TCP1: variants seen among roughly 807,000 people sequenced by gnomAD.
TCP1 encodes T-complex protein 1 subunit alpha.
Under a neutral mutation model 54.7 loss-of-function variants are expected in TCP1, and 6 were observed. The observed-to-expected ratio is 0.11, with a 90% CI of 0.06 to 0.22. The LOEUF (loss-of-function observed/expected upper bound fraction) is 0.22, where lower values mean the gene tolerates loss of function less well. Among genes scored for constraint, TCP1 ranks in the 10% least tolerant of loss-of-function variants. The probability of loss-of-function intolerance (pLI) is 1.00; values close to 1 mark genes in which losing one functional copy is unlikely to be tolerated. For synonymous variants in TCP1, 225 were observed against 229.7 expected, an observed-to-expected ratio of 0.98 and a Z score of 0.19; for missense variants, 511 against 678.2, an observed-to-expected ratio of 0.75 and a Z score of 2.74.
At position 159,787,283 on chromosome 6, in the gene TCP1, G is replaced by A. The variant is rs563784881; in HGVS notation, c.279+460C>T. ...ATATAAAAACATTGTTTCTCCCCCA[G>A]ATTGGTAACATTTTATCCTCCAAAT... On this transcript the variant is annotated intron_variant, in intron 3 of 11. Transcript: ENST00000321394. Among the ~76,000 whole-genome samples, 9 of 152,168 alleles carry A rather than the reference G, an allele frequency of 5.9e-5. No individual in the cohort carries two copies. In the East Asian group the frequency reaches 9.7e-4, roughly 16 times the overall value.
Position 159,785,965 on chromosome 6 carries a change from T to A in TCP1, c.312A>T (p.Ala104=). The change falls in exon 4 of 12, where the codon GCA becomes GCT. Residue 104 remains alanine (A), a synonymous_variant. Transcript: ENST00000321394. The part of the protein sequence containing the change: ...VIIAAELLKN[A]DELVKQKIHP... ...GAATTTTCTGTTTGACTAATTCATC[T>A]GCATTTTTTAGGAGTTCTGCTGCAA... The A allele has an allele frequency of 6.2e-7, 1 of 1,614,012 alleles. No individual in the cohort carries two copies.
In TCP1 at chr6:159,780,941, A is replaced by T; in HGVS notation, c.967T>A (p.Ser323Thr). The T allele has an allele frequency of 6.2e-7, 1 of 1,602,134 alleles. No individual in the cohort carries two copies. The highest frequency in any genetic ancestry group is 8.5e-7 in the Non-Finnish European group (1 of 1,176,848). The stretch of plus-strand genomic sequence containing the variant: ...CAGCCAGCACAAGACATACCTCCAG[A>T]AGCTTTGGCAATGCGTTTAAGGTCC... ...KRDLKRIAKA[S>T]GATILSTLAN... Residue 323 changes from serine to threonine, a missense_variant, in exon 8 of 12, where the codon TCT becomes ACT. Transcript: ENST00000321394.
In TCP1 at chr6:159,780,950, C is replaced by T. The variant is rs1272561288; in HGVS notation, c.958G>A (p.Ala320Thr). The T allele has an allele frequency of 6.2e-7, 1 of 1,604,756 alleles. No individual in the cohort carries two copies. The highest frequency in any genetic ancestry group is 8.5e-7 in the Non-Finnish European group (1 of 1,177,482). ...RVLKRDLKRI[A>T]KASGATILST... is the part of the protein sequence containing the mutation. Reference sequence around the variant, plus strand: ...CAAGACATACCTCCAGAAGCTTTGGCAATGCGTTTAAGGTCCCTTTTTAAA... The same window carrying T: ...CAAGACATACCTCCAGAAGCTTTGGTAATGCGTTTAAGGTCCCTTTTTAAA... The change falls in exon 8 of 12, where the codon GCC becomes ACC. Residue 320 changes from alanine to threonine, a missense_variant. This residue lies in a region of TCP1 where 305 missense variants were observed against 352.8 expected (regional missense o/e 0.86). Transcript: ENST00000321394.
Position 159,789,400 on chromosome 6 carries a change from C to A in TCP1, c.64+5G>T, listed in dbSNP as rs915847807. The stretch of plus-strand genomic sequence containing the variant: ...AAACCCGACCCAGGCCCGGCCCGCC[C>A]TTACCGTTTTGGGAGCGGATCGTTT... On this transcript the variant is annotated splice_donor_5th_base_variant and intron_variant, in intron 1 of 11. Transcript: ENST00000321394. 6.2e-7 allele frequency: 1 copy of A among 1,613,764 alleles called. No homozygotes were observed. The highest frequency in any genetic ancestry group is 8.5e-7 in the Non-Finnish European group (1 of 1,179,812).
intron 1 of TCP1, chr6:159,788,554 G>C (rs927248416): frequency 5.1e-5 from 8 of 157,684 alleles, no homozygotes; most frequent in African/African-American, 1.9e-4. Flanking sequence ...ATTTGGCACA[G>C]CTTTGATGCG....
At chr6:159,784,940 GTAATC>G in intron 5 of TCP1, 93 bp from the exon 6 acceptor site, 7 of 1,248,462 alleles carry the variant, frequency 5.6e-6, no homozygotes, top group South Asian at 2.5e-5. Flanking sequence ...CTTCCTTTTA[GTAATC>G]TAATCTATTA....
intron 11 of TCP1, 116 bp from the exon 12 acceptor site, chr6:159,779,377 T>C: frequency 9.4e-7 from 1 of 1,059,318 alleles, no homozygotes; most frequent in Admixed American, 2.4e-5. Flanking sequence ...AGAGATCTTG[T>C]AGGTAGTCTT....
chr6:159,787,853 C>T lies in TCP1; in HGVS notation c.169G>A (p.Asp57Asn). The change falls in exon 3 of 12, where the codon GAT becomes AAT. Residue 57 changes from aspartate (D) to asparagine (N), a missense_variant. Asp to Asn is a conservative substitution (Grantham distance 23, BLOSUM62 1). This residue lies in a region of TCP1 where 54 missense variants were observed against 111.8 expected (regional missense o/e 0.48). Transcript: ENST00000321394. The stretch of plus-strand genomic sequence containing the variant: ...AGTAACTTCAGGATGGTTGCACCAT[C>T]GTTAGTAATGGTTACATCCTAAGAA... ...DDIGDVTITN[D>N]GATILKLLEV... 5 of 1,614,144 alleles carry T rather than the reference C, an allele frequency of 3.1e-6. No individual in the cohort carries two copies. Among genetic ancestry groups the T allele is most frequent in the Non-Finnish European group, 4.2e-6 (5 of 1,180,016 alleles).
Position 159,784,927 on chromosome 6 carries a change from G to T in TCP1, c.489-80C>A. On this transcript the variant is annotated intron_variant, in intron 5 of 11. Coordinates refer to ENST00000321394, the MANE Select transcript of TCP1 (RefSeq NM_030752.3). ...GTGAAAAATCAAGGGTAATTTCAAG[G>T]GACTTCCTTTTAGTAATCTAATCTA... 2.1e-6 allele frequency: 3 copies of T among 1,401,694 alleles called. No individual in the cohort carries two copies. The East Asian group carries it at 6.8e-5, about 32-fold the overall frequency. The allele number at this position is 1,401,694 out of a possible 1,614,324, so 86.8% of individuals were successfully genotyped here.
At position 159,778,596 on chromosome 6, in the gene TCP1, G is replaced by GT; in HGVS notation, c.*448dup. The stretch of plus-strand genomic sequence containing the variant: ...TGATACATTAAGAGGAAAAAGACAA[G>GT]TTTAAGATTTTAAACTGTGTCCACA... On this transcript the variant is annotated 3_prime_UTR_variant, in exon 12 of 12. Coordinates refer to ENST00000321394, the MANE Select transcript of TCP1 (RefSeq NM_030752.3). 1 of 1,560,560 alleles carries GT rather than the reference G, an allele frequency of 6.4e-7. No individual in the cohort carries two copies. The highest frequency in any genetic ancestry group is 1.4e-5 in the African/African-American group (1 of 73,554).
rs878859073 is a variant in TCP1, at chr6:159,783,878, AAAAAT to A, written c.797+58_797+62del. On this transcript the variant is annotated intron_variant, in intron 7 of 11. Coordinates refer to ENST00000321394, the MANE Select transcript of TCP1 (RefSeq NM_030752.3). ...GGAAGTAAAATAGTTTGACTTGGCT[AAAAAT>A]GTTAAAGTCCTCCAAGACACTCACA... 182 of 1,506,164 alleles carry A rather than the reference AAAAAT, an allele frequency of 1.2e-4. No individual in the cohort carries two copies. In the South Asian group the frequency reaches 2.3e-3, roughly 19 times the overall value. The allele number at this position is 1,506,164 out of a possible 1,614,324, so 93.3% of individuals were successfully genotyped here.
At chr6:159,784,138 TTGTA>T (rs1780638570) in intron 6 of TCP1, 71 bp from the exon 7 acceptor site, 1 of 1,526,716 alleles carries the variant, frequency 6.6e-7, no homozygotes, top group Non-Finnish European at 8.8e-7. Context: ...CTATAATCGA[TTGTA>T]TGTAAACACA....
rs1357231449 is a variant in TCP1, at chr6:159,789,540, C to T, written c.-72G>A. On this transcript the variant is annotated 5_prime_UTR_variant, in exon 1 of 12. Coordinates refer to ENST00000321394, the MANE Select transcript of TCP1 (RefSeq NM_030752.3). ...CCAGTATCGCGGCCCCTCGGCCGAC[C>T]GGCGACCACAGCAGTGGCTGCGACG... The T allele has an allele frequency of 3.2e-6, 5 of 1,574,116 alleles. No individual in the cohort carries two copies. Among genetic ancestry groups the T allele is most frequent in the African/African-American group, 1.4e-5 (1 of 73,838 alleles).
At position 159,779,278 on chromosome 6, in the gene TCP1, ATTAT is replaced by A. The variant is rs755869880; in HGVS notation, c.1455-21_1455-18del. ...AGACCAATCCTGCAATTAAGAAAGA[ATTAT>A]TTAACGGCCGCTTACAATTTCATTA... On this transcript the variant is annotated intron_variant, in intron 11 of 11. Coordinates refer to ENST00000321394, the MANE Select transcript of TCP1 (RefSeq NM_030752.3). The A allele has an allele frequency of 8.7e-5, 140 of 1,604,570 alleles. No homozygotes were observed. The highest frequency in any genetic ancestry group is 3.3e-4 in the Middle Eastern group (2 of 6,034).
chr6:159,783,631 C>A (rs1780627030), intron 7 of TCP1, among the ~76,000 whole-genome samples: 1 of 152,122 alleles, frequency 6.6e-6, no homozygotes, highest in Non-Finnish European at 1.5e-5. Flanking sequence ...TTCTGGCATG[C>A]CAACCACTAA....
At chr6:159,789,179 C>A (rs1780783912) in intron 1 of TCP1, 1 of 528,992 alleles carries the variant, frequency 1.9e-6, no homozygotes, top group Non-Finnish European at 3.4e-6. Flanking sequence ...CACGCGTTGC[C>A]GGTCTCAAAA....
intron 7 of TCP1, among the ~76,000 whole-genome samples, chr6:159,783,548 C>T (rs1408932528): frequency 6.6e-6 from 1 of 151,842 alleles, no homozygotes; most frequent in Non-Finnish European, 1.5e-5. Context: ...CCAGCCTAAA[C>T]AATTTATTGT....
At chr6:159,786,473 T>C (rs1023569839) in intron 3 of TCP1, among the ~76,000 whole-genome samples, 2 of 152,190 alleles carry the variant, frequency 1.3e-5, no homozygotes, top group East Asian at 1.9e-4. Context: ...AACACATCTA[T>C]TACCTTTAGA....
At chr6:159,781,164 T>A in intron 7 of TCP1, 54 bp from the exon 8 acceptor site, 1 of 1,377,160 alleles carries the variant, frequency 7.3e-7, no homozygotes, top group Non-Finnish European at 9.8e-7. Flanking sequence ...AAAAATAATT[T>A]AACTTCCATT....
Sources: allele counts gnomAD v4.1 joint callset (sites outside exome capture counted in the v4.1 genomes callset), GRCh38; gene constraint gnomAD v4.1.1; regional missense constraint gnomAD v4.1.1; transcripts MANE v1.5; gene names NCBI Gene and HGNC (gene_info 2026-07-23, HGNC 2026-07-21).